TAOK1: variants seen among roughly 807,000 people sequenced by gnomAD.
The protein encoded by TAOK1 is serine/threonine-protein kinase TAO1.
TAOK1 carries 21 observed loss-of-function variants against 138.3 expected under a neutral mutation model. The observed-to-expected ratio is 0.15, with a 90% CI of 0.11 to 0.22. TAOK1 has a LOEUF of 0.22. Ranked by LOEUF, TAOK1 falls within the 10% of genes least tolerant of loss-of-function variation. The probability of loss-of-function intolerance (pLI) is 1.00; values close to 1 mark genes in which losing one functional copy is unlikely to be tolerated. For missense variants in TAOK1, 651 were observed against 1,227.7 expected (o/e 0.53, Z 7.02); for synonymous variants, 361 against 398.4 (o/e 0.91, Z 1.12).
chr17:29,408,339 C>T (rs983639002), intron 1 of TAOK1, among the ~76,000 whole-genome samples: 3 of 151,628 alleles, frequency 2.0e-5, no homozygotes, highest in African/African-American at 7.3e-5. Context: ...TATCCTCTCA[C>T]CTCAGCCTCC....
chr17:29,452,561 C>T (rs547091789), intron 2 of TAOK1, among the ~76,000 whole-genome samples: 24 of 152,300 alleles, frequency 1.6e-4, no homozygotes, highest in African/African-American at 5.3e-4. Context: ...TTTGCACAAA[C>T]ATTACCACCA....
chr17:29,518,136 A>C (rs2031851370), intron 16 of TAOK1, among the ~76,000 whole-genome samples: 1 of 152,178 alleles, frequency 6.6e-6, no homozygotes, highest in African/African-American at 2.4e-5. Flanking sequence ...GATTACAAGC[A>C]TGAGCTACCA....
At chr17:29,423,606 T>C (rs1026780834) in intron 1 of TAOK1, among the ~76,000 whole-genome samples, 4 of 152,238 alleles carry the variant, frequency 2.6e-5, no homozygotes, top group African/African-American at 9.6e-5. Flanking sequence ...TTTATATTTC[T>C]CTATGACAAA....
At chr17:29,405,671 CG>C (rs1269237162) in intron 1 of TAOK1, among the ~76,000 whole-genome samples, 1 of 151,880 alleles carries the variant, frequency 6.6e-6, no homozygotes, top group Non-Finnish European at 1.5e-5. Context: ...CCCAGCTACT[CG>C]GGAGGCAGAG....
At chr17:29,393,789 A>G (rs139451642) in intron 1 of TAOK1, among the ~76,000 whole-genome samples, 49 of 152,342 alleles carry the variant, frequency 3.2e-4, no homozygotes, top group Non-Finnish European at 5.3e-4. Flanking sequence ...GTTTAAGATT[A>G]TCTTGACAGT....
At chr17:29,394,941 T>A (rs1015694226) in intron 1 of TAOK1, among the ~76,000 whole-genome samples, 4 of 146,132 alleles carry the variant, frequency 2.7e-5, no homozygotes, top group Admixed American at 1.4e-4. Flanking sequence ...CAAAAACAAA[T>A]TTTTTTTTTA....
At chr17:29,511,734 A>T (rs1427579843) in intron 15 of TAOK1, 1 of 151,770 alleles carries the variant, frequency 6.6e-6, no homozygotes, top group Non-Finnish European at 1.5e-5. Context: ...TTTTGTAGAG[A>T]CAGGGTCTTG....
Position 29,543,003 on chromosome 17 carries a change from C to A in TAOK1, c.2987C>A (p.Ser996Ter). ...GTCACTTCACAAATATCCAATGGGT[C>A]ACACATGTCTTATACATAACTTAAT... ...TSVTSQISNG[S>*]HMSYT Residue 996 changes from serine (S) to a stop codon, truncating the protein, a stop_gained, in exon 20 of 20, where the codon TCA becomes TAA. Transcript: ENST00000261716. LOFTEE classifies it high-confidence loss of function. 6.2e-7 allele frequency: 1 copy of A among 1,600,954 alleles called. No homozygotes were observed. Among genetic ancestry groups the A allele is most frequent in the South Asian group, 1.1e-5 (1 of 89,916 alleles).
At chr17:29,425,589 G>A (rs1417071623) in intron 1 of TAOK1, among the ~76,000 whole-genome samples, 1 of 152,158 alleles carries the variant, frequency 6.6e-6, no homozygotes, top group Admixed American at 6.5e-5. Context: ...TGAGGTAGGA[G>A]GATGGCTTGA....
intron 1 of TAOK1, among the ~76,000 whole-genome samples, chr17:29,397,623 T>C (rs866522808): frequency 0.033 from 2,159 of 64,586 alleles, 143 homozygotes; most frequent in African/African-American, 0.12. Context: ...AATATATATA[T>C]ATATATACAT....
chr17:29,487,411 G>A (rs1226610333), intron 8 of TAOK1, among the ~76,000 whole-genome samples: 1 of 152,136 alleles, frequency 6.6e-6, no homozygotes, highest in Non-Finnish European at 1.5e-5. Context: ...TATACATCAT[G>A]TATTTGTACA....
chr17:29,488,297 G>A (rs552350796), intron 8 of TAOK1, among the ~76,000 whole-genome samples: 39 of 152,252 alleles, frequency 2.6e-4, no homozygotes, highest in East Asian at 1.2e-3. Flanking sequence ...TTGGCTGGGC[G>A]TAGTGGCTCA....
intron 15 of TAOK1, among the ~76,000 whole-genome samples, chr17:29,515,952 T>C (rs1026283954): frequency 2.0e-5 from 3 of 146,774 alleles, no homozygotes; most frequent in Non-Finnish European, 3.0e-5. Flanking sequence ...TTTATGTATG[T>C]ATTTATTTAT....
chr17:29,522,571 C>G (rs759050016), intron 17 of TAOK1, 52 bp downstream of exon 17: 2 of 1,599,122 alleles, frequency 1.3e-6, no homozygotes, highest in Non-Finnish European at 1.7e-6. Flanking sequence ...AAAAGGTATC[C>G]ATGTAAGCAG....
intron 1 of TAOK1, among the ~76,000 whole-genome samples, chr17:29,442,640 T>G (rs938818668): frequency 6.6e-6 from 1 of 152,212 alleles, no homozygotes; most frequent in Non-Finnish European, 1.5e-5. Flanking sequence ...TTAAATAGGA[T>G]AGTATGGTTA....
rs931951248 is a variant in TAOK1 at position 29,551,128 on chromosome 17, G to A, written c.*8106G>A. On this transcript the variant is annotated 3_prime_UTR_variant, in exon 20 of 20. Transcript: ENST00000261716. ...TAAAGGGAATATGTTAATTAAGCAAGAGGTTCTTTTCTAAAAGTGGTATCT... is the reference window on the plus strand; with the variant it reads ...TAAAGGGAATATGTTAATTAAGCAAAAGGTTCTTTTCTAAAAGTGGTATCT... 2.7e-4 allele frequency: 41 copies of A among 152,168 alleles called. No individual in the cohort carries two copies. The highest frequency in any genetic ancestry group is 9.4e-4 in the African/African-American group (39 of 41,426). The allele number at this position is 152,168 out of a possible 1,614,324, so 9.4% of individuals were successfully genotyped here.
intron 1 of TAOK1, among the ~76,000 whole-genome samples, chr17:29,416,839 C>A (rs551231859): frequency 6.6e-6 from 1 of 152,104 alleles, no homozygotes; most frequent in South Asian, 2.1e-4. Context: ...TCTTTTATAT[C>A]TTTTAGTTTA....
intron 1 of TAOK1, among the ~76,000 whole-genome samples, chr17:29,422,307 G>A (rs1056639725): frequency 3.4e-5 from 5 of 148,232 alleles, no homozygotes; most frequent in Non-Finnish European, 6.0e-5. Context: ...GGGTTTAAGC[G>A]ATTCTCCTGC....
chr17:29,541,587 C>A (rs2032318349), intron 19 of TAOK1, among the ~76,000 whole-genome samples: 1 of 150,572 alleles, frequency 6.6e-6, no homozygotes, highest in Non-Finnish European at 1.5e-5. Flanking sequence ...ATCAGCCTTG[C>A]CAACATGGTG....
Sources: gnomAD v4.1 joint callset for allele counts (sites outside exome capture counted in the v4.1 genomes callset) on GRCh38, gnomAD v4.1.1 for gene constraint, MANE v1.5 for transcripts, NCBI Gene and HGNC (gene_info 2026-07-23, HGNC 2026-07-21) for gene names.